The following PTPRG variants were observed in gnomAD, a reference collection of about 807,000 sequenced individuals.
PTPRG encodes receptor-type tyrosine-protein phosphatase gamma.
PTPRG carries 102 observed loss-of-function variants against 165.3 expected under a neutral mutation model. The ratio of observed to expected loss-of-function variants is 0.62; its 90% CI spans 0.53 to 0.73. The LOEUF (loss-of-function observed/expected upper bound fraction) is 0.73, where lower values mean the gene tolerates loss of function less well. Ranked by LOEUF, PTPRG falls within the 30% of genes least tolerant of loss-of-function variation. PTPRG has a pLI of 0.00. For synonymous variants in PTPRG, 675 were observed against 669.5 expected, an observed-to-expected ratio of 1.01 and a Z score of -0.13; for missense variants, 1,866 against 1,861.4, an observed-to-expected ratio of 1.00 and a Z score of -0.05.
chr3:62,013,188 A>T (rs541793534), intron 4 of PTPRG, among the ~76,000 whole-genome samples: 166 of 152,336 alleles, frequency 1.1e-3, no homozygotes, highest in Middle Eastern at 6.8e-3. Flanking sequence ...TTGTTTTAAC[A>T]TAAAATCAAT....
intron 2 of PTPRG, among the ~76,000 whole-genome samples, chr3:61,888,087 G>A (rs996934024): frequency 1.3e-5 from 2 of 152,096 alleles, no homozygotes; most frequent in Non-Finnish European, 2.9e-5. Flanking sequence ...CTGTGAAGAG[G>A]TTTTGGAGTA....
chr3:62,149,112 A>G (rs1704229654), intron 6 of PTPRG, among the ~76,000 whole-genome samples: 1 of 152,234 alleles, frequency 6.6e-6, no homozygotes, highest in African/African-American at 2.4e-5. Flanking sequence ...CAAACAGGAC[A>G]GCCCCATTCC....
intron 15 of PTPRG, among the ~76,000 whole-genome samples, chr3:62,246,054 A>G (rs535350385): frequency 1.7e-3 from 263 of 152,250 alleles, no homozygotes; most frequent in African/African-American, 6.1e-3. Flanking sequence ...ATTTCTTTAA[A>G]TGTGTCTTTT....
At chr3:62,156,690 AGATTGG>A (rs1363424829) in intron 6 of PTPRG, among the ~76,000 whole-genome samples, 21 of 152,292 alleles carry the variant, frequency 1.4e-4, no homozygotes, top group Admixed American at 1.3e-4. Context: ...TGATGAAACA[AGATTGG>A]GAAGGGGTGG....
At chr3:62,115,830 C>T (rs1489809449) in intron 5 of PTPRG, among the ~76,000 whole-genome samples, 5 of 151,996 alleles carry the variant, frequency 3.3e-5, no homozygotes, top group Non-Finnish European at 7.4e-5. Context: ...AGCCACCACT[C>T]CTGACCCCAA....
intron 2 of PTPRG, among the ~76,000 whole-genome samples, chr3:61,905,828 G>C (rs1049641919): frequency 6.6e-6 from 1 of 152,184 alleles, no homozygotes; most frequent in Non-Finnish European, 1.5e-5. Flanking sequence ...CCCTTTGTCT[G>C]TGTCCATTTA....
At chr3:61,570,272 T>G (rs77987019) in intron 1 of PTPRG, among the ~76,000 whole-genome samples, 1 of 148,726 alleles carries the variant, frequency 6.7e-6, no homozygotes, top group Non-Finnish European at 1.5e-5. Flanking sequence ...TTTTTTTTTT[T>G]GCAGACTGAA....
intron 2 of PTPRG, among the ~76,000 whole-genome samples, chr3:61,882,381 C>A (rs1297143684): frequency 6.6e-6 from 1 of 152,158 alleles, no homozygotes; most frequent in Non-Finnish European, 1.5e-5. Context: ...TGAAACTATA[C>A]TGTTCTGAGA....
chr3:62,266,822 C>CTAGA (rs1240356898), intron 17 of PTPRG, among the ~76,000 whole-genome samples: 1 of 147,482 alleles, frequency 6.8e-6, no homozygotes, highest in African/African-American at 2.5e-5. Context: ...TGCTGGGCAA[C>CTAGA]TAGATACACA....
chr3:61,959,199 C>A (rs1283436537), intron 2 of PTPRG, among the ~76,000 whole-genome samples: 1 of 152,192 alleles, frequency 6.6e-6, no homozygotes. Flanking sequence ...AGATTCCCTG[C>A]AGAGAGAATA....
intron 1 of PTPRG, among the ~76,000 whole-genome samples, chr3:61,668,510 G>T (rs989117329): frequency 2.6e-5 from 4 of 152,136 alleles, no homozygotes. Flanking sequence ...TTAGTAGAAA[G>T]CAAACGGCAG....
chr3:61,668,250 A>G (rs1235735856), intron 1 of PTPRG, among the ~76,000 whole-genome samples: 11 of 152,202 alleles, frequency 7.2e-5, no homozygotes, highest in Admixed American at 4.6e-4. Flanking sequence ...TGAAGGTCCA[A>G]GTATTTGGTG....
chr3:62,132,950 G>A (rs1410094377), intron 6 of PTPRG, among the ~76,000 whole-genome samples: 3 of 152,178 alleles, frequency 2.0e-5, no homozygotes, highest in Non-Finnish European at 2.9e-5. Flanking sequence ...CTTATGTGTT[G>A]AACTTGCCAT....
chr3:61,614,418 C>CTTT lies in PTPRG; in HGVS notation c.85+52061_85+52063dup, dbSNP rs550755163. ...AATAATAATTTGACTTTAATAATAC[C>CTTT]TTTTTTTTTTTTTTTTTGAGACAGG... is the stretch of plus-strand genomic sequence containing the variant. On this transcript the variant is annotated intron_variant, in intron 1 of 29. Transcript: ENST00000474889. Among the ~76,000 whole-genome samples the CTTT allele has an allele frequency of 6.6e-3, 781 of 117,656 alleles. 45 individuals are homozygous for CTTT. The highest frequency in any genetic ancestry group is 0.021 in the African/African-American group (666 of 31,352). 77.2% of individuals were successfully genotyped at this position (117,656 alleles called of 152,430 possible). A position where few individuals can be genotyped will look rare whatever the true frequency, so the allele number is the denominator to read the frequency against.
chr3:62,057,437 T>C (rs17767976), intron 4 of PTPRG, among the ~76,000 whole-genome samples: 13,223 of 152,286 alleles, frequency 0.087, 610 homozygotes, highest in South Asian at 0.1. Context: ...TCCCAAAGGA[T>C]GCCATTTCCT....
Position 61,562,189 on chromosome 3 carries a change from G to A in PTPRG, c.-99G>A. ...GGGGGGCCCGTGGAGCGGGCGAGCC[G>A]GGGAAGCGCCCCGGCTTAGCGGAGG... On this transcript the variant is annotated 5_prime_UTR_variant, in exon 1 of 30. Transcript: ENST00000474889. 9.4e-7 allele frequency: 1 copy of A among 1,060,000 alleles called. No individual in the cohort carries two copies. The highest frequency in any genetic ancestry group is 1.4e-6 in the Non-Finnish European group (1 of 718,126). The allele number at this position is 1,060,000 out of a possible 1,614,324, so 65.7% of individuals were successfully genotyped here. A position where few individuals can be genotyped will look rare whatever the true frequency, so the allele number is the denominator to read the frequency against.
rs531452540 is a variant in PTPRG at position 61,648,596 on chromosome 3, C to T, written c.85+86224C>T. 5.9e-5 allele frequency among the ~76,000 whole-genome samples: 9 copies of T among 152,276 alleles called. 1 individual carries two copies. In the South Asian group the frequency reaches 1.9e-3, roughly 32 times the overall value. Reference sequence around the variant, plus strand: ...TGCAGGGTGTTTGAGTGGGGTGACCCCAGGCTGATGCACCAAGGGAACGTC... The same window carrying T: ...TGCAGGGTGTTTGAGTGGGGTGACCTCAGGCTGATGCACCAAGGGAACGTC... On this transcript the variant is annotated intron_variant, in intron 1 of 29. Transcript: ENST00000474889.
At chr3:61,993,968 C>T (rs2040959100) in intron 3 of PTPRG, among the ~76,000 whole-genome samples, 1 of 152,182 alleles carries the variant, frequency 6.6e-6, no homozygotes, top group Non-Finnish European at 1.5e-5. Context: ...TATATCCTAT[C>T]CAGCATAATC....
At chr3:62,287,212 C>G (rs540039977) in intron 28 of PTPRG, among the ~76,000 whole-genome samples, 2 of 152,212 alleles carry the variant, frequency 1.3e-5, no homozygotes, top group South Asian at 4.1e-4. Flanking sequence ...AACCATTTCA[C>G]TAGAACAGAT....
Sources: allele counts gnomAD v4.1 joint callset (sites outside exome capture counted in the v4.1 genomes callset), GRCh38; gene constraint gnomAD v4.1.1; transcripts MANE v1.5; gene names NCBI Gene and HGNC (gene_info 2026-07-23, HGNC 2026-07-21).